PHACTR1: variants seen among roughly 807,000 people sequenced by gnomAD.
The protein encoded by PHACTR1 is RPEL repeat containing 1.
A neutral mutation model predicts 69.2 loss-of-function variants in PHACTR1; 16 were observed. That is an observed-to-expected ratio of 0.23 (90% CI 0.16 to 0.35). The LOEUF (loss-of-function observed/expected upper bound fraction) is 0.35, where lower values mean the gene tolerates loss of function less well. PHACTR1 is among the 10% of genes least tolerant of loss of function. The probability of loss-of-function intolerance (pLI) is 1.00; values close to 1 mark genes in which losing one functional copy is unlikely to be tolerated. For missense variants in PHACTR1, 510 were observed against 734.7 expected (o/e 0.69, Z 3.54); for synonymous variants, 312 against 284.5 (o/e 1.10, Z -0.97).
chr6:13,133,565 G>A (rs982429376), intron 5 of PHACTR1, among the ~76,000 whole-genome samples: 6 of 152,118 alleles, frequency 3.9e-5, no homozygotes, highest in African/African-American at 9.7e-5. Context: ...CCGAGGTGCC[G>A]GGATTGCAGA....
chr6:13,220,751 T>G (rs1562017088), intron 8 of PHACTR1, among the ~76,000 whole-genome samples: 1 of 152,202 alleles, frequency 6.6e-6, no homozygotes, highest in South Asian at 2.1e-4. Context: ...CAAGACTCTA[T>G]CTAAGGGTCA....
At chr6:13,278,918 G>A (rs1024900004) in intron 12 of PHACTR1, among the ~76,000 whole-genome samples, 6 of 149,584 alleles carry the variant, frequency 4.0e-5, no homozygotes, top group African/African-American at 1.2e-4. Context: ...AGCCGAGATC[G>A]CGCCACTGCA....
intron 9 of PHACTR1, among the ~76,000 whole-genome samples, chr6:13,229,610 T>C (rs747675971): frequency 2.4e-4 from 37 of 152,166 alleles, no homozygotes; most frequent in Non-Finnish European, 4.1e-4. Context: ...CCGCTGAACT[T>C]CTGCAGACAC....
intron 5 of PHACTR1, among the ~76,000 whole-genome samples, chr6:13,056,110 T>C (rs1423556307): frequency 6.6e-6 from 1 of 152,210 alleles, no homozygotes; most frequent in African/African-American, 2.4e-5. Flanking sequence ...AAAGGTATGC[T>C]AGTTTTAAAA....
At chr6:12,754,522 G>A (rs888990118) in intron 4 of PHACTR1, among the ~76,000 whole-genome samples, 8 of 152,142 alleles carry the variant, frequency 5.3e-5, no homozygotes, top group Admixed American at 1.3e-4. Context: ...AGCTCACCAG[G>A]AGCCTCTAGT....
chr6:12,813,457 C>G (rs999389157), intron 4 of PHACTR1, among the ~76,000 whole-genome samples: 5 of 152,194 alleles, frequency 3.3e-5, no homozygotes, highest in African/African-American at 1.2e-4. Flanking sequence ...CACTACTCTA[C>G]TGCATTCTTT....
chr6:12,974,446 T>C (rs1454377381), intron 4 of PHACTR1, among the ~76,000 whole-genome samples: 1 of 152,170 alleles, frequency 6.6e-6, no homozygotes, highest in Non-Finnish European at 1.5e-5. Flanking sequence ...GTATTTTAGC[T>C]CACAAATGTC....
chr6:12,752,863 A>C (rs1766796299), intron 4 of PHACTR1, among the ~76,000 whole-genome samples: 3 of 152,266 alleles, frequency 2.0e-5, no homozygotes. Context: ...GCTAATTTCA[A>C]GTTTCAGCTA....
chr6:12,729,198 CACAAGA>C (rs1304049701), intron 3 of PHACTR1, among the ~76,000 whole-genome samples: 1 of 152,128 alleles, frequency 6.6e-6, no homozygotes, highest in Non-Finnish European at 1.5e-5. Flanking sequence ...AGCCTTAAAA[CACAAGA>C]ACAAGAACAA....
At position 13,227,985 on chromosome 6, in the gene PHACTR1, G is replaced by A. The variant is rs555518385; in HGVS notation, c.1156G>A (p.Glu386Lys). 6.8e-6 allele frequency: 11 copies of A among 1,613,990 alleles called. No homozygotes were observed. Among genetic ancestry groups the A allele is most frequent in the East Asian group, 6.7e-5 (3 of 44,890 alleles). The change falls in exon 9 of 15, where the codon GAA (glutamate) becomes AAA (lysine). Residue 386 changes from glutamate to lysine, a missense_variant. By Grantham distance (56) the Glu-to-Lys change is moderately conservative. This residue lies in a region of PHACTR1 where 419 missense variants were observed against 530.9 expected (regional missense o/e 0.79). Coordinates refer to ENST00000332995, the MANE Select transcript of PHACTR1 (RefSeq NM_030948.6). ...AAATGTGCCTCATGAGTCAGACTAC[G>A]AAGACTCTTCTTGCCTGTATACAAG... ...KENVPHESDY[E>K]DSSCLYTREE...
intron 14 of PHACTR1, among the ~76,000 whole-genome samples, chr6:13,286,823 T>G (rs1440620244): frequency 6.6e-6 from 1 of 152,220 alleles, no homozygotes; most frequent in Non-Finnish European, 1.5e-5. Flanking sequence ...AGACACAGAT[T>G]GGGTTCTGCA....
chr6:13,019,235 T>G (rs985105231), intron 4 of PHACTR1, among the ~76,000 whole-genome samples: 1 of 152,094 alleles, frequency 6.6e-6, no homozygotes, highest in Non-Finnish European at 1.5e-5. Flanking sequence ...TAAAAAAAGT[T>G]TATTATGAAA....
chr6:12,894,369 C>T (rs1784444560), intron 4 of PHACTR1, among the ~76,000 whole-genome samples: 1 of 152,206 alleles, frequency 6.6e-6, no homozygotes, highest in Admixed American at 6.5e-5. Flanking sequence ...CTTTGGGAGT[C>T]AAAGGCAGGC....
intron 5 of PHACTR1, among the ~76,000 whole-genome samples, chr6:13,074,897 A>C (rs1004189197): frequency 1.3e-5 from 2 of 152,214 alleles, no homozygotes; most frequent in African/African-American, 4.8e-5. Flanking sequence ...AACAGTATGA[A>C]TATTATGATC....
At chr6:13,285,089 C>T (rs1326569400) in intron 13 of PHACTR1, among the ~76,000 whole-genome samples, 3 of 152,194 alleles carry the variant, frequency 2.0e-5, no homozygotes, top group Admixed American at 6.5e-5. Flanking sequence ...ACTCTCTCTG[C>T]GGTATGCTTG....
At chr6:13,231,477 AAAGAAG>A (rs1310760574) in intron 10 of PHACTR1, among the ~76,000 whole-genome samples, 2 of 151,098 alleles carry the variant, frequency 1.3e-5, no homozygotes, top group Non-Finnish European at 3.0e-5. Flanking sequence ...GGAAGGAAGG[AAAGAAG>A]GAAGGAAGGA....
At chr6:12,749,829 T>G (rs1581579003) in intron 4 of PHACTR1, 39 bp downstream of exon 4, 2 of 1,312,078 alleles carry the variant, frequency 1.5e-6, no homozygotes, top group Non-Finnish European at 1.0e-6. Flanking sequence ...GCCCCCGCCC[T>G]GCTCCCTCCC....
intron 6 of PHACTR1, among the ~76,000 whole-genome samples, chr6:13,166,908 G>C (rs1759890355): frequency 1.3e-5 from 2 of 152,160 alleles, no homozygotes; most frequent in Admixed American, 6.5e-5. Flanking sequence ...ATTCACATAT[G>C]AATGGACCTA....
At chr6:12,980,683 A>G (rs1470241941) in intron 4 of PHACTR1, among the ~76,000 whole-genome samples, 7 of 152,134 alleles carry the variant, frequency 4.6e-5, no homozygotes, top group African/African-American at 1.7e-4. Context: ...TACGAAAACT[A>G]TTTGAGACCC....
Sources: allele counts gnomAD v4.1 joint callset (sites outside exome capture counted in the v4.1 genomes callset), GRCh38; gene constraint gnomAD v4.1.1; regional missense constraint gnomAD v4.1.1; transcripts MANE v1.5; gene names NCBI Gene and HGNC (gene_info 2026-07-23, HGNC 2026-07-21).